The following FYN variants were observed in gnomAD, a reference collection of about 807,000 sequenced individuals.
FYN encodes the protein tyrosine-protein kinase Fyn.
In FYN, 10 loss-of-function variants were observed where a neutral mutation model predicts 70.2. That is an observed-to-expected ratio of 0.14 (90% CI 0.09 to 0.24). The LOEUF is 0.24. FYN is among the 10% of genes least tolerant of loss of function. FYN has a pLI of 1.00. For synonymous variants in FYN, 236 were observed against 248.6 expected (o/e 0.95, Z 0.48); for missense variants, 319 against 673.1 (o/e 0.47, Z 5.82).
chr6:111,833,082 A>G (rs1773071454), intron 2 of FYN, among the ~76,000 whole-genome samples: 1 of 152,240 alleles, frequency 6.6e-6, no homozygotes, highest in Non-Finnish European at 1.5e-5. Context: ...AAATCCCACC[A>G]GTTTTACATA....
intron 3 of FYN, among the ~76,000 whole-genome samples, chr6:111,736,053 G>C (rs1801695557): frequency 1.3e-5 from 2 of 152,144 alleles, no homozygotes; most frequent in African/African-American, 4.8e-5. Context: ...CTGCAATGCA[G>C]GTCATCAGAA....
rs1772468582 is a variant in FYN, at chr6:111,815,727, T to TC, written c.-82+30861dup. On this transcript the variant is annotated intron_variant, in intron 2 of 13. Coordinates refer to ENST00000354650, the MANE Select transcript of FYN (RefSeq NM_002037.5). ...CTGAGTACTTCTTTTTTTTTTTTTT[T>TC]CTTTTTTTTGAGACAGAGTCTCTCT... 2.1e-5 allele frequency among the ~76,000 whole-genome samples: 3 copies of TC among 144,396 alleles called. No homozygotes were observed. The East Asian group carries it at 6.0e-4, about 29-fold the overall frequency. The allele number at this position is 144,396 out of a possible 152,430, so 94.7% of individuals were successfully genotyped here. A position where few individuals can be genotyped will look rare whatever the true frequency, so the allele number is the denominator to read the frequency against.
intron 12 of FYN, among the ~76,000 whole-genome samples, chr6:111,677,660 A>T (rs1046242223): frequency 1.3e-5 from 2 of 152,218 alleles, no homozygotes; most frequent in African/African-American, 4.8e-5. Context: ...GACTTCAGAC[A>T]CCTTGAAGGA....
chr6:111,751,994 C>G (rs561460540), intron 3 of FYN, among the ~76,000 whole-genome samples: 1 of 152,206 alleles, frequency 6.6e-6, no homozygotes, highest in South Asian at 2.1e-4. Context: ...TATTCCTAAG[C>G]ATGTAAATCA....
At chr6:111,843,529 C>A (rs1194803724) in intron 2 of FYN, among the ~76,000 whole-genome samples, 1 of 152,162 alleles carries the variant, frequency 6.6e-6, no homozygotes, top group Non-Finnish European at 1.5e-5. Context: ...CTGCGTCCCC[C>A]TCTTTTATCT....
At chr6:111,707,404 T>C (rs1330582576) in intron 6 of FYN, among the ~76,000 whole-genome samples, 2 of 152,222 alleles carry the variant, frequency 1.3e-5, no homozygotes, top group Non-Finnish European at 2.9e-5. Flanking sequence ...AGGTTCCAAA[T>C]CACTGTAGTA....
intron 3 of FYN, among the ~76,000 whole-genome samples, chr6:111,762,073 CT>C (rs1422003593): frequency 6.6e-6 from 1 of 152,128 alleles, no homozygotes; most frequent in Non-Finnish European, 1.5e-5. Context: ...CAAAATGTTC[CT>C]TTGGGTAAAT....
intron 2 of FYN, among the ~76,000 whole-genome samples, chr6:111,794,096 C>T (rs1204224220): frequency 6.6e-6 from 1 of 152,240 alleles, no homozygotes; most frequent in Non-Finnish European, 1.5e-5. Context: ...GCCCCTGCCA[C>T]TGAGCTGCTC....
At chr6:111,706,572 G>A (rs753452900) in intron 6 of FYN, among the ~76,000 whole-genome samples, 7 of 152,184 alleles carry the variant, frequency 4.6e-5, no homozygotes, top group Non-Finnish European at 7.3e-5. Context: ...TTAGAATGCC[G>A]TGTAAAACAG....
chr6:111,669,526 G>A (rs944996959), intron 13 of FYN, among the ~76,000 whole-genome samples: 3 of 151,598 alleles, frequency 2.0e-5, no homozygotes, highest in African/African-American at 7.3e-5. Flanking sequence ...AAGAGCCAGG[G>A]CACAGAATAG....
intron 2 of FYN, among the ~76,000 whole-genome samples, chr6:111,832,682 T>C (rs911957957): frequency 1.7e-4 from 26 of 152,290 alleles, no homozygotes; most frequent in Middle Eastern, 3.4e-3. Context: ...ATGGGGAACA[T>C]TGAGGTTTTT....
intron 13 of FYN, among the ~76,000 whole-genome samples, chr6:111,672,286 C>A (rs1246772648): frequency 6.6e-6 from 1 of 152,250 alleles, no homozygotes; most frequent in East Asian, 1.9e-4. Context: ...TACTTGCCTT[C>A]CCTACACAGC....
chr6:111,775,371 T>C (rs1770888734), intron 3 of FYN, among the ~76,000 whole-genome samples: 1 of 152,202 alleles, frequency 6.6e-6, no homozygotes, highest in Non-Finnish European at 1.5e-5. Flanking sequence ...TTTAGAATGT[T>C]GCCAGAACTA....
At chr6:111,665,995 CTTTTTTTTTTTT>C (rs991104460) in intron 13 of FYN, among the ~76,000 whole-genome samples, 127 of 89,086 alleles carry the variant, frequency 1.4e-3, no homozygotes, top group African/African-American at 5.2e-3. Context: ...CCTTTTTCTC[CTTTTTTTTTTTT>C]TTTTTTTTTT....
At chr6:111,775,152 A>C (rs761997729) in intron 3 of FYN, among the ~76,000 whole-genome samples, 6 of 152,208 alleles carry the variant, frequency 3.9e-5, no homozygotes, top group Non-Finnish European at 8.8e-5. Flanking sequence ...TTACAGTCTT[A>C]TCTCTCTAGT....
At chr6:111,843,295 A>G (rs1364096020) in intron 2 of FYN, among the ~76,000 whole-genome samples, 1 of 152,246 alleles carries the variant, frequency 6.6e-6, no homozygotes, top group Non-Finnish European at 1.5e-5. Context: ...TTAAATCACT[A>G]AATAGGATGA....
intron 3 of FYN, among the ~76,000 whole-genome samples, chr6:111,768,110 T>C (rs1803304073): frequency 6.6e-6 from 1 of 152,230 alleles, no homozygotes; most frequent in African/African-American, 2.4e-5. Context: ...TGTGCATGTA[T>C]GTGTGTGTGC....
At chr6:111,825,575 G>A (rs537883816) in intron 2 of FYN, among the ~76,000 whole-genome samples, 22 of 152,326 alleles carry the variant, frequency 1.4e-4, no homozygotes, top group African/African-American at 5.1e-4. Flanking sequence ...GTGCAGTGCA[G>A]ACACACATGG....
chr6:111,837,095 C>T (rs1440616346), intron 2 of FYN, among the ~76,000 whole-genome samples: 1 of 152,180 alleles, frequency 6.6e-6, no homozygotes, highest in Non-Finnish European at 1.5e-5. Context: ...GTGAGGCCTT[C>T]CCACACCTAG....
Sources: allele counts gnomAD v4.1 joint callset (sites outside exome capture counted in the v4.1 genomes callset), GRCh38; gene constraint gnomAD v4.1.1; transcripts MANE v1.5; gene names NCBI Gene and HGNC (gene_info 2026-07-23, HGNC 2026-07-21).